The following MALRD1 variants were observed in gnomAD, a reference collection of about 807,000 sequenced individuals.
MALRD1 encodes the protein MAM and LDL receptor class A domain containing 1.
MALRD1 carries 247 observed loss-of-function variants against 242.1 expected under a neutral mutation model. The ratio of observed to expected loss-of-function variants is 1.02; its 90% CI spans 0.92 to 1.13. The LOEUF (loss-of-function observed/expected upper bound fraction) is 1.13, where lower values mean the gene tolerates loss of function less well. Among genes scored for constraint, MALRD1 ranks in the 50% most tolerant of loss-of-function variants. MALRD1 has a pLI of 0.00. For synonymous variants in MALRD1, 995 were observed against 866.6 expected, an observed-to-expected ratio of 1.15 and a Z score of -2.60; for missense variants, 2,989 against 2,533.1, an observed-to-expected ratio of 1.18 and a Z score of -3.86.
At chr10:19,423,235 A>G (rs1023127972) in intron 28 of MALRD1, among the ~76,000 whole-genome samples, 1 of 151,248 alleles carries the variant, frequency 6.6e-6, no homozygotes, top group Non-Finnish European at 1.5e-5. Context: ...CACACCTACC[A>G]CTCCATGGCA....
intron 29 of MALRD1, among the ~76,000 whole-genome samples, chr10:19,452,069 A>G (rs1316411181): frequency 6.6e-6 from 1 of 152,184 alleles, no homozygotes; most frequent in Non-Finnish European, 1.5e-5. Flanking sequence ...ATATGTTGAA[A>G]TTCTATTATG....
At chr10:19,367,581 T>C (rs1845160812) in intron 26 of MALRD1, among the ~76,000 whole-genome samples, 1 of 152,098 alleles carries the variant, frequency 6.6e-6, no homozygotes, top group Non-Finnish European at 1.5e-5. Flanking sequence ...GACATAAGAG[T>C]GCATATATCT....
At chr10:19,229,185 A>G (rs2131688459) in intron 18 of MALRD1, among the ~76,000 whole-genome samples, 1 of 152,308 alleles carries the variant, frequency 6.6e-6, no homozygotes, top group East Asian at 1.9e-4. Flanking sequence ...GCATGAATCG[A>G]GCATCTTTAA....
At chr10:19,692,407 T>C (rs1458121298) in intron 37 of MALRD1, 46 bp downstream of exon 37, 1 of 1,531,264 alleles carries the variant, frequency 6.5e-7, no homozygotes, top group African/African-American at 1.4e-5. Flanking sequence ...TGGGGTGGTC[T>C]CTAATATATT....
In MALRD1 at chr10:19,126,928, TC is replaced by T. The variant is rs369659414; in HGVS notation, c.944-1289del. On this transcript the variant is annotated intron_variant, in intron 7 of 39. Coordinates refer to ENST00000454679, the MANE Select transcript of MALRD1 (RefSeq NM_001142308.3). ...TCTCCCTCCCCTCACCCCTCAACAG[TC>T]CCCAGTGTGTGTTGTTCCCCTTCCC... Among the ~76,000 whole-genome samples the T allele has an allele frequency of 1.3e-3, 205 of 152,084 alleles. 3 individuals carry two copies. The highest frequency in any genetic ancestry group is 0.01 in the Middle Eastern group (3 of 294).
chr10:19,367,324 C>T (rs994873374), intron 26 of MALRD1, among the ~76,000 whole-genome samples: 1 of 152,064 alleles, frequency 6.6e-6, no homozygotes, highest in Admixed American at 6.6e-5. Context: ...TCTAGGCGAT[C>T]AACTTTATTT....
At chr10:19,499,174 A>G (rs975302053) in intron 31 of MALRD1, among the ~76,000 whole-genome samples, 5 of 152,180 alleles carry the variant, frequency 3.3e-5, no homozygotes, top group Non-Finnish European at 7.3e-5. Context: ...AGATTATGCA[A>G]TCTTTAATGG....
chr10:19,530,743 A>C (rs959975526), intron 31 of MALRD1, among the ~76,000 whole-genome samples: 1 of 151,992 alleles, frequency 6.6e-6, no homozygotes, highest in Non-Finnish European at 1.5e-5. Flanking sequence ...GACTCTTAGA[A>C]TCACATTTCA....
intron 36 of MALRD1, among the ~76,000 whole-genome samples, chr10:19,638,666 G>A (rs1840255642): frequency 6.6e-6 from 1 of 152,176 alleles, no homozygotes; most frequent in African/African-American, 2.4e-5. Flanking sequence ...AGGAATGTGA[G>A]TCAAGCAATC....
chr10:19,133,385 A>G (rs1265780505), intron 8 of MALRD1, among the ~76,000 whole-genome samples: 1 of 152,340 alleles, frequency 6.6e-6, no homozygotes. Flanking sequence ...ATGTTTCCAC[A>G]GGAAAAAATA....
intron 26 of MALRD1, among the ~76,000 whole-genome samples, chr10:19,381,640 C>G (rs984509499): frequency 6.7e-6 from 1 of 149,040 alleles, no homozygotes; most frequent in African/African-American, 2.5e-5. Context: ...CCAGCCTGGC[C>G]TACATGGTGA....
At chr10:19,296,194 T>C (rs906001581) in intron 21 of MALRD1, among the ~76,000 whole-genome samples, 10 of 152,176 alleles carry the variant, frequency 6.6e-5, no homozygotes, top group African/African-American at 2.2e-4. Flanking sequence ...CTCCAAAATA[T>C]AGTTTCTTCA....
At chr10:19,058,812 C>A (rs1438550919) in intron 1 of MALRD1, among the ~76,000 whole-genome samples, 1 of 151,454 alleles carries the variant, frequency 6.6e-6, no homozygotes, top group Non-Finnish European at 1.5e-5. Flanking sequence ...CAAAAAGCTG[C>A]CAATATTTTT....
intron 38 of MALRD1, among the ~76,000 whole-genome samples, chr10:19,699,044 G>A (rs1374994439): frequency 6.6e-6 from 1 of 151,998 alleles, no homozygotes; most frequent in Non-Finnish European, 1.5e-5. Context: ...CCTGTTGGGG[G>A]GTGAGGGACA....
Position 19,205,046 on chromosome 10 carries a change from C to G in MALRD1, c.2359C>G (p.Pro787Ala). 6.4e-7 allele frequency: 1 copy of G among 1,550,710 alleles called. No homozygotes were observed. Among genetic ancestry groups the G allele is most frequent in the Non-Finnish European group, 8.7e-7 (1 of 1,146,998 alleles). ...CATTCAGCTAGGGCGCCTTTCGCAG[C>G]CCTTCCATTTGTCACTAGATAAAGT... ...ATIQLGRLSQ[P>A]FHLSLDKVSL... Residue 787 changes from proline (P) to alanine (A), a missense_variant, in exon 17 of 40, where the codon CCC becomes GCC. Coordinates refer to ENST00000454679, the MANE Select transcript of MALRD1 (RefSeq NM_001142308.3).
intron 30 of MALRD1, chr10:19,493,090 C>A (rs1221511177): frequency 6.6e-6 from 1 of 152,164 alleles, no homozygotes; most frequent in South Asian, 2.1e-4. Flanking sequence ...CAACCACTGC[C>A]ACCATCCACC....
intron 21 of MALRD1, among the ~76,000 whole-genome samples, chr10:19,286,480 CA>C (rs1841125722): frequency 6.6e-6 from 1 of 152,096 alleles, no homozygotes; most frequent in Non-Finnish European, 1.5e-5. Flanking sequence ...TGAATTTTGT[CA>C]AAGGCTTTTT....
chr10:19,102,889 C>A (rs79903897), intron 4 of MALRD1, among the ~76,000 whole-genome samples: 2 of 151,508 alleles, frequency 1.3e-5, no homozygotes, highest in African/African-American at 4.9e-5. Context: ...TACTCTGTCA[C>A]CTGGGCTGGA....
At chr10:19,397,844 A>G (rs1309522400) in intron 28 of MALRD1, among the ~76,000 whole-genome samples, 1 of 151,746 alleles carries the variant, frequency 6.6e-6, no homozygotes, top group African/African-American at 2.4e-5. Flanking sequence ...GATAATAGCC[A>G]TTCTAACAGG....
Sources: allele counts gnomAD v4.1 joint callset (sites outside exome capture counted in the v4.1 genomes callset), GRCh38; gene constraint gnomAD v4.1.1; transcripts MANE v1.5; gene names NCBI Gene and HGNC (gene_info 2026-07-23, HGNC 2026-07-21).